The following IL1RAP variants were observed in gnomAD, a reference collection of about 807,000 sequenced individuals.
IL1RAP encodes the protein interleukin-1 receptor accessory protein.
A neutral mutation model predicts 60.7 loss-of-function variants in IL1RAP; 35 were observed. That is an observed-to-expected ratio of 0.58 (90% confidence interval 0.44 to 0.76). The LOEUF (loss-of-function observed/expected upper bound fraction) is 0.76, where lower values mean the gene tolerates loss of function less well. IL1RAP is among the 30% of genes least tolerant of loss of function. The pLI is 0.00. For synonymous variants in IL1RAP, 268 were observed against 250.9 expected (o/e 1.07, Z -0.64); for missense variants, 572 against 693.9 (o/e 0.82, Z 1.97).
At chr3:190,612,162 AAGACAT>A (rs1730876654) in intron 5 of IL1RAP, among the ~76,000 whole-genome samples, 1 of 152,186 alleles carries the variant, frequency 6.6e-6, no homozygotes, top group Admixed American at 6.5e-5. Context: ...TGCATGAAAT[AAGACAT>A]AGTCTCAATT....
At chr3:190,590,880 C>T (rs1577675380) in intron 3 of IL1RAP, among the ~76,000 whole-genome samples, 1 of 152,224 alleles carries the variant, frequency 6.6e-6, no homozygotes, top group African/African-American at 2.4e-5. Context: ...ATATATTTCA[C>T]TGGGACAATG....
intron 1 of IL1RAP, among the ~76,000 whole-genome samples, chr3:190,528,871 A>G (rs1335932774): frequency 6.6e-6 from 1 of 152,206 alleles, no homozygotes; most frequent in Admixed American, 6.5e-5. Context: ...AGAAGTGGTA[A>G]ATGAATTATG....
At chr3:190,584,362 T>G (rs1419236575) in intron 3 of IL1RAP, among the ~76,000 whole-genome samples, 1 of 152,196 alleles carries the variant, frequency 6.6e-6, no homozygotes, top group Non-Finnish European at 1.5e-5. Flanking sequence ...CAACACAAGT[T>G]TTTGTTACCT....
In IL1RAP at chr3:190,645,652, T is replaced by C. The variant is rs1459340988; in HGVS notation, c.1202-47T>C. The C allele has an allele frequency of 4.8e-6, 7 of 1,455,482 alleles. No homozygotes were observed. The Admixed American group carries it at 5.7e-5, about 12-fold the overall frequency. The allele number at this position is 1,455,482 out of a possible 1,614,324, so 90.2% of individuals were successfully genotyped here. A position where few individuals can be genotyped will look rare whatever the true frequency, so the allele number is the denominator to read the frequency against. On this transcript the variant is annotated intron_variant, in intron 10 of 11. Transcript: ENST00000447382. ...TAGATTTAAGAAAAATGTAATGGTA[T>C]TGAGAAACTTTCCTAATTTACATTG...
intron 9 of IL1RAP, among the ~76,000 whole-genome samples, chr3:190,643,884 T>C (rs574173430): frequency 1.3e-5 from 2 of 152,300 alleles, no homozygotes; most frequent in East Asian, 3.9e-4. Context: ...TCCCAAGATA[T>C]GGACCGAGGA....
intron 1 of IL1RAP, among the ~76,000 whole-genome samples, chr3:190,549,460 C>CCCCA (rs1422233628): frequency 1.3e-5 from 2 of 152,078 alleles, no homozygotes; most frequent in African/African-American, 4.8e-5. Flanking sequence ...ATGTAAGGGT[C>CCCCA]CCCAGCAGAA....
intron 3 of IL1RAP, among the ~76,000 whole-genome samples, chr3:190,569,493 T>C (rs907372555): frequency 2.6e-5 from 4 of 152,228 alleles, no homozygotes; most frequent in Admixed American, 2.6e-4. Context: ...GAATACTGTT[T>C]CATTTTATTC....
Position 190,629,411 on chromosome 3 carries a change from ACC to A in IL1RAP, c.965_966del (p.Thr322IlefsTer2). On this transcript the variant is annotated frameshift_variant, in exon 9 of 12. Coordinates refer to ENST00000447382, the MANE Select transcript of IL1RAP (RefSeq NM_002182.4). LOFTEE classifies it high-confidence loss of function. Reference sequence around the variant, plus strand: ...TCAGATTTTGAGCATCAAGAAAGTTACCTCTGAGGATCTCAAGCGCAGCTATG... The same window carrying A: ...TCAGATTTTGAGCATCAAGAAAGTTATCTGAGGATCTCAAGCGCAGCTATG... The part of the protein sequence containing the change: ...RTQILSIKKV[T>X]SEDLKRSYVC... 1.2e-6 allele frequency: 2 copies of A among 1,613,786 alleles called. No individual in the cohort carries two copies. The highest frequency in any genetic ancestry group is 1.7e-6 in the Non-Finnish European group (2 of 1,179,846).
chr3:190,522,143 G>A (rs1362932918), intron 1 of IL1RAP, among the ~76,000 whole-genome samples: 1 of 152,092 alleles, frequency 6.6e-6, no homozygotes, highest in Non-Finnish European at 1.5e-5. Flanking sequence ...GGTGGGGGCA[G>A]CAGATTGAAT....
intron 6 of IL1RAP, among the ~76,000 whole-genome samples, chr3:190,623,028 G>A (rs1192502797): frequency 6.6e-6 from 1 of 152,160 alleles, no homozygotes; most frequent in Non-Finnish European, 1.5e-5. Context: ...AAGCTGTTGT[G>A]TTAGGAATTT....
downstream of IL1RAP, chr3:190,656,504 T>C (rs1308364573): frequency 3.9e-6 from 6 of 1,537,250 alleles, no homozygotes; most frequent in South Asian, 3.6e-5. Flanking sequence ...ACTCAATGGA[T>C]ACAAAATGGC....
At chr3:190,542,875 G>A (rs1025365829) in intron 1 of IL1RAP, among the ~76,000 whole-genome samples, 19 of 133,626 alleles carry the variant, frequency 1.4e-4, no homozygotes, top group African/African-American at 5.7e-4. Context: ...CAAAGATTAA[G>A]GGAATTTTTT....
chr3:190,610,637 A>G (rs1033730175), intron 5 of IL1RAP, among the ~76,000 whole-genome samples: 1 of 152,170 alleles, frequency 6.6e-6, no homozygotes, highest in African/African-American at 2.4e-5. Flanking sequence ...TCACTTTATC[A>G]GCGAAACATA....
chr3:190,655,760 T>G (rs1358615704), downstream of IL1RAP: 29 of 615,186 alleles, frequency 4.7e-5, no homozygotes, highest in Non-Finnish European at 2.4e-5. Flanking sequence ...CTGGGTAAAT[T>G]ATTCAGCACT....
At chr3:190,643,235 A>G (rs1157929515) in intron 9 of IL1RAP, among the ~76,000 whole-genome samples, 1 of 152,244 alleles carries the variant, frequency 6.6e-6, no homozygotes, top group African/African-American at 2.4e-5. Context: ...TTCAATAAAA[A>G]TTTTATTCTA....
At position 190,645,807 on chromosome 3, in the gene IL1RAP, T is replaced by C; in HGVS notation, c.1310T>C (p.Leu437Pro). 6.2e-7 allele frequency: 1 copy of C among 1,613,720 alleles called. No homozygotes were observed. The highest frequency in any genetic ancestry group is 8.5e-7 in the Non-Finnish European group (1 of 1,179,728). Residue 437 changes from leucine (L) to proline (P), a missense_variant, in exon 11 of 12, where the codon CTG (leucine) becomes CCG (proline). Coordinates refer to ENST00000447382, the MANE Select transcript of IL1RAP (RefSeq NM_002182.4). ...GVLENEFGYK[L>P]CIFDRDSLPG... is the part of the protein sequence containing the mutation. The stretch of plus-strand genomic sequence containing the variant: ...TTGGAGAATGAATTTGGATACAAGC[T>C]GTGCATCTTTGACCGAGACAGTCTG...
At chr3:190,564,525 C>T in intron 3 of IL1RAP, 172 bp downstream of exon 3, 2 of 627,164 alleles carry the variant, frequency 3.2e-6, no homozygotes, top group South Asian at 1.8e-5. Context: ...TGGAAAGAAC[C>T]ATTGCTGTCT....
rs559333762 is a variant in IL1RAP, at chr3:190,623,222, G to A, written c.704-122G>A. The A allele has an allele frequency of 9.8e-6, 7 of 716,052 alleles. No individual in the cohort carries two copies. The African/African-American group carries it at 1.0e-4, about 11-fold the overall frequency. The allele number at this position is 716,052 out of a possible 1,614,324, so 44.4% of individuals were successfully genotyped here. A position where few individuals can be genotyped will look rare whatever the true frequency, so the allele number is the denominator to read the frequency against. ...TAATTGAGTATATCTTGGACTATAGGCCTTCTCTAAAACAACTGACAAACT... is the reference window on the plus strand; with the variant it reads ...TAATTGAGTATATCTTGGACTATAGACCTTCTCTAAAACAACTGACAAACT... On this transcript the variant is annotated intron_variant, in intron 6 of 11. Coordinates refer to ENST00000447382, the MANE Select transcript of IL1RAP (RefSeq NM_002182.4).
chr3:190,594,662 A>T (rs1729231344), intron 3 of IL1RAP, among the ~76,000 whole-genome samples: 1 of 152,206 alleles, frequency 6.6e-6, no homozygotes, highest in African/African-American at 2.4e-5. Flanking sequence ...TATGTGCCTA[A>T]CTGAAAGTCC....
Sources: gnomAD v4.1 joint callset for allele counts (sites outside exome capture counted in the v4.1 genomes callset) on GRCh38, gnomAD v4.1.1 for gene constraint, MANE v1.5 for transcripts, NCBI Gene and HGNC (gene_info 2026-07-23, HGNC 2026-07-21) for gene names.